Variants in MYO1D observed in about 807,000 individuals in gnomAD.
The protein encoded by MYO1D is unconventional myosin-Id.
In MYO1D, 83 loss-of-function variants were observed where a neutral mutation model predicts 122.0. The observed-to-expected ratio is 0.68, with a 90% CI of 0.57 to 0.82. MYO1D has a LOEUF of 0.82. Among genes scored for constraint, MYO1D ranks in the 40% least tolerant of loss-of-function variants. The pLI is 0.00. For synonymous variants in MYO1D, 464 were observed against 446.9 expected (o/e 1.04, Z -0.48); for missense variants, 1,157 against 1,269.5 (o/e 0.91, Z 1.35).
At chr17:32,518,123 C>G (rs1396552067) in intron 21 of MYO1D, among the ~76,000 whole-genome samples, 1 of 152,170 alleles carries the variant, frequency 6.6e-6, no homozygotes, top group South Asian at 2.1e-4. Flanking sequence ...GCCTGCCACT[C>G]TGTCATCACC....
chr17:32,685,002 T>C (rs763812027), intron 16 of MYO1D, among the ~76,000 whole-genome samples: 1 of 152,126 alleles, frequency 6.6e-6, no homozygotes, highest in Non-Finnish European at 1.5e-5. Flanking sequence ...TCATGGAAAA[T>C]TTCTCTTTAT....
intron 11 of MYO1D, among the ~76,000 whole-genome samples, chr17:32,752,568 A>G (rs1189638348): frequency 6.6e-6 from 1 of 152,194 alleles, no homozygotes; most frequent in African/African-American, 2.4e-5. Flanking sequence ...AAATAACTAA[A>G]TAACAAAAAA....
intron 21 of MYO1D, among the ~76,000 whole-genome samples, chr17:32,512,189 A>G (rs970225012): frequency 1.3e-5 from 2 of 152,086 alleles, no homozygotes; most frequent in Admixed American, 6.6e-5. Flanking sequence ...AATCCCAGCT[A>G]CTTGGGAGGC....
At chr17:32,697,195 T>C (rs1290081404) in intron 16 of MYO1D, among the ~76,000 whole-genome samples, 1 of 152,228 alleles carries the variant, frequency 6.6e-6, no homozygotes, top group Non-Finnish European at 1.5e-5. Flanking sequence ...GATGGAGCTT[T>C]GTCTTGTTCC....
Position 32,862,307 on chromosome 17 carries a change from T to C in MYO1D, c.95+14471A>G, listed in dbSNP as rs115805681. ...TGGTTTAGTATATTCCCCTTGCTGGTTTATCAGTTCTATGAGAACAAGAAC... is the reference window on the plus strand; with the variant it reads ...TGGTTTAGTATATTCCCCTTGCTGGCTTATCAGTTCTATGAGAACAAGAAC... On this transcript the variant is annotated intron_variant, in intron 1 of 21. Coordinates refer to ENST00000318217, the MANE Select transcript of MYO1D (RefSeq NM_015194.3). 5.5e-3 allele frequency among the ~76,000 whole-genome samples: 845 copies of C among 152,346 alleles called. 9 individuals are homozygous for C. Among genetic ancestry groups the C allele is most frequent in the African/African-American group, 0.019 (802 of 41,574 alleles).
At chr17:32,509,457 G>A (rs936394527) in intron 21 of MYO1D, among the ~76,000 whole-genome samples, 9 of 152,178 alleles carry the variant, frequency 5.9e-5, no homozygotes, top group East Asian at 1.9e-4. Context: ...GAGAAGCTCC[G>A]GGAATTGTAT....
At chr17:32,654,674 T>C in intron 17 of MYO1D, 53 bp from the exon 18 acceptor site, 2 of 1,473,616 alleles carry the variant, frequency 1.4e-6, no homozygotes, top group Non-Finnish European at 1.8e-6. Context: ...ATCCCATGCA[T>C]TCTCTCTCTC....
At chr17:32,861,078 T>TTTTTTTTG (rs2091070325) in intron 1 of MYO1D, among the ~76,000 whole-genome samples, 1 of 151,608 alleles carries the variant, frequency 6.6e-6, no homozygotes. Flanking sequence ...CTTTTTTTTT[T>TTTTTTTTG]TTTTTTTGGA....
chr17:32,863,240 A>G (rs2091093537), intron 1 of MYO1D, among the ~76,000 whole-genome samples: 1 of 152,212 alleles, frequency 6.6e-6, no homozygotes, highest in East Asian at 1.9e-4. Context: ...AAGGGCAGTA[A>G]TATGTTTTAG....
chr17:32,497,257 T>C (rs889890666), intron 21 of MYO1D, among the ~76,000 whole-genome samples: 1 of 152,012 alleles, frequency 6.6e-6, no homozygotes, highest in African/African-American at 2.4e-5. Context: ...ACATAGCCTA[T>C]AGCCCAGGAG....
chr17:32,770,846 C>T (rs905636590), intron 6 of MYO1D, among the ~76,000 whole-genome samples: 7 of 152,050 alleles, frequency 4.6e-5, no homozygotes, highest in East Asian at 1.9e-4. Context: ...TGAAAATAAA[C>T]GGAATAGGGA....
At chr17:32,576,164 A>G (rs935067020) in intron 21 of MYO1D, among the ~76,000 whole-genome samples, 1 of 152,202 alleles carries the variant, frequency 6.6e-6, no homozygotes, top group African/African-American at 2.4e-5. Flanking sequence ...CAAAATATCT[A>G]CTATCCCAAA....
intron 1 of MYO1D, among the ~76,000 whole-genome samples, chr17:32,874,406 G>C (rs2091211293): frequency 6.6e-6 from 1 of 151,962 alleles, no homozygotes; most frequent in Non-Finnish European, 1.5e-5. Context: ...ACAGTGGTGT[G>C]ATCATAGCTC....
intron 19 of MYO1D, among the ~76,000 whole-genome samples, chr17:32,645,200 G>A (rs545301334): frequency 1.6e-3 from 246 of 152,218 alleles, no homozygotes; most frequent in African/African-American, 5.7e-3. Context: ...ATGAAATTGC[G>A]GGTTGAAAAT....
intron 15 of MYO1D, among the ~76,000 whole-genome samples, chr17:32,717,089 C>T (rs1383617126): frequency 3.3e-5 from 5 of 152,226 alleles, no homozygotes; most frequent in Non-Finnish European, 5.9e-5. Context: ...TCTTTTCTCT[C>T]ATCATCACTG....
chr17:32,771,879 C>T (rs2090116132), intron 5 of MYO1D, among the ~76,000 whole-genome samples: 1 of 152,160 alleles, frequency 6.6e-6, no homozygotes, highest in African/African-American at 2.4e-5. Context: ...GAACCATAAA[C>T]ACAATATTGA....
At position 32,535,436 on chromosome 17, in the gene MYO1D, T is replaced by C. The variant is rs147302486; in HGVS notation, c.2865-40521A>G. The stretch of plus-strand genomic sequence containing the variant: ...CTCTTTGAAGAGAGATTCAATACAT[T>C]TGAAGAGAGAAACAATACATTGTAC... On this transcript the variant is annotated intron_variant, in intron 21 of 21. Coordinates refer to ENST00000318217, the MANE Select transcript of MYO1D (RefSeq NM_015194.3). Among the ~76,000 whole-genome samples the C allele has an allele frequency of 4.5e-3, 685 of 152,304 alleles. 8 individuals are homozygous for C. Among genetic ancestry groups the C allele is most frequent in the African/African-American group, 0.016 (653 of 41,556 alleles).
chr17:32,742,014 CA>C (rs55636240), intron 13 of MYO1D, among the ~76,000 whole-genome samples: 103 of 106,196 alleles, frequency 9.7e-4, no homozygotes, highest in African/African-American at 2.0e-3. Flanking sequence ...GACTCCGTCT[CA>C]AAAAAAAAAA....
intron 1 of MYO1D, among the ~76,000 whole-genome samples, chr17:32,816,479 A>G (rs1313284442): frequency 6.6e-6 from 1 of 152,216 alleles, no homozygotes; most frequent in Non-Finnish European, 1.5e-5. Context: ...AATCATTTTA[A>G]TAATTATTTT....
Sources: gnomAD v4.1 joint callset for allele counts (sites outside exome capture counted in the v4.1 genomes callset) on GRCh38, gnomAD v4.1.1 for gene constraint, MANE v1.5 for transcripts, NCBI Gene and HGNC (gene_info 2026-07-23, HGNC 2026-07-21) for gene names.